RPL14: variants seen among roughly 807,000 people sequenced by gnomAD.
RPL14 encodes ribosomal protein L14.
RPL14 carries 4 observed loss-of-function variants against 25.3 expected under a neutral mutation model. The ratio of observed to expected loss-of-function variants is 0.16; its 90% CI spans 0.08 to 0.36. The LOEUF (loss-of-function observed/expected upper bound fraction) is 0.36, where lower values mean the gene tolerates loss of function less well. RPL14 is among the 10% of genes least tolerant of loss of function. RPL14 has a pLI of 1.00. For missense variants in RPL14, 212 were observed against 261.9 expected (o/e 0.81, Z 1.31); for synonymous variants, 75 against 89.8 (o/e 0.84, Z 0.93).
Position 40,464,688 on chromosome 3 carries a change from T to G in RPL14, c.*2456T>G, listed in dbSNP as rs115506358. The G allele has an allele frequency of 3.2e-3, 1,060 of 335,990 alleles. 7 individuals carry two copies. Among genetic ancestry groups the G allele is most frequent in the African/African-American group, 0.014 (659 of 46,950 alleles). 20.8% of individuals were successfully genotyped at this position (335,990 alleles called of 1,614,324 possible). On this transcript the variant is annotated 3_prime_UTR_variant, in exon 6 of 6. Coordinates refer to ENST00000396203, the MANE Select transcript of RPL14 (RefSeq NM_001034996.3). The stretch of plus-strand genomic sequence containing the variant: ...GGGATCAAGACTGGGAATGCTCGGG[T>G]TGGCAGTATGAAGTTTGGCAGTAAT...
intron 1 of RPL14, 148 bp from the exon 2 acceptor site, chr3:40,457,742 A>G (rs541946276): frequency 1.3e-6 from 1 of 775,618 alleles, no homozygotes; most frequent in Admixed American, 2.4e-5. Flanking sequence ...GATTTCGTCC[A>G]TCCAGGTTGG....
intron 3 of RPL14, among the ~76,000 whole-genome samples, chr3:40,460,617 T>G (rs1397838638): frequency 7.1e-5 from 1 of 14,166 alleles, no homozygotes; most frequent in Admixed American, 6.3e-4. Context: ...TTTTTGAGGG[T>G]TTTTTTTTTC....
rs973172812 is a variant in RPL14 at position 40,466,530 on chromosome 3, A to G, written c.*4298A>G. 6.6e-6 allele frequency: 1 copy of G among 151,620 alleles called. No individual in the cohort carries two copies. The highest frequency in any genetic ancestry group is 2.4e-5 in the African/African-American group (1 of 41,266). 9.4% of individuals were successfully genotyped at this position (151,620 alleles called of 1,614,324 possible). ...TACTAAAAATCAAAAAAAAAAAAAA[A>G]AAAATGGCTGATTTCAGAGTCATAT... On this transcript the variant is annotated 3_prime_UTR_variant, in exon 6 of 6. Coordinates refer to ENST00000396203, the MANE Select transcript of RPL14 (RefSeq NM_001034996.3).
At chr3:40,461,760 C>G in intron 5 of RPL14, 99 bp downstream of exon 5, 1 of 1,354,238 alleles carries the variant, frequency 7.4e-7, no homozygotes, top group Non-Finnish European at 1.0e-6. Context: ...TGGAAGCTTT[C>G]TGTAAAAAAG....
rs1697031985 is a variant in RPL14, at chr3:40,466,667, A to G, written c.*4435A>G. 6.6e-6 allele frequency: 1 copy of G among 152,224 alleles called. No homozygotes were observed. The highest frequency in any genetic ancestry group is 6.5e-5 in the Admixed American group (1 of 15,278). 9.4% of individuals were successfully genotyped at this position (152,224 alleles called of 1,614,324 possible). On this transcript the variant is annotated 3_prime_UTR_variant, in exon 6 of 6. Transcript: ENST00000396203. ...CTGCCTCATATTGTGGCAAGGATCA[A>G]ATGAGTCAAATAAGATGCTTGTGAA...
chr3:40,462,341 T>A lies in RPL14; in HGVS notation c.*109T>A. 1 of 992,386 alleles carries A rather than the reference T, an allele frequency of 1.0e-6. No homozygotes were observed. The highest frequency in any genetic ancestry group is 1.5e-6 in the Non-Finnish European group (1 of 688,334). The allele number at this position is 992,386 out of a possible 1,614,324, so 61.5% of individuals were successfully genotyped here. On this transcript the variant is annotated 3_prime_UTR_variant, in exon 6 of 6. Coordinates refer to ENST00000396203, the MANE Select transcript of RPL14 (RefSeq NM_001034996.3). ...CTGGAGTTAGGAGGCAGATTGATAG[T>A]AGGATTATAATAAACATTAAATAAT...
At chr3:40,460,131 C>G (rs1224325087) in intron 3 of RPL14, among the ~76,000 whole-genome samples, 1 of 152,028 alleles carries the variant, frequency 6.6e-6, no homozygotes, top group Non-Finnish European at 1.5e-5. Flanking sequence ...TCCCTGGACA[C>G]CCTGGATTTT....
intron 3 of RPL14, among the ~76,000 whole-genome samples, chr3:40,460,449 C>T (rs938705297): frequency 2.0e-5 from 3 of 151,554 alleles, no homozygotes; most frequent in African/African-American, 7.3e-5. Context: ...ACCTAGGAAG[C>T]AGAGGTCACA....
chr3:40,459,116 C>T (rs566619780), intron 3 of RPL14: 22 of 214,600 alleles, frequency 1.0e-4, no homozygotes, highest in South Asian at 4.8e-4. Context: ...TTAGCGAGGT[C>T]GAGGCTGCAG....
At chr3:40,458,795 G>C in intron 3 of RPL14, 59 bp downstream of exon 3, 1 of 1,405,946 alleles carries the variant, frequency 7.1e-7, no homozygotes, top group Non-Finnish European at 1.0e-6. Context: ...GCTAGTAAAA[G>C]TTTGTTTTGG....
intron 3 of RPL14, 44 bp from the exon 4 acceptor site, chr3:40,461,363 A>C: frequency 2.0e-6 from 3 of 1,509,030 alleles, no homozygotes; most frequent in Middle Eastern, 1.8e-4. Context: ...ATAATGAGTG[A>C]CTTCAAAGCT....
Position 40,468,371 on chromosome 3 carries a change from G to C in RPL14, c.*6139G>C, listed in dbSNP as rs527988338. On this transcript the variant is annotated 3_prime_UTR_variant, in exon 6 of 6. Coordinates refer to ENST00000396203, the MANE Select transcript of RPL14 (RefSeq NM_001034996.3). ...TCCTGCCTGGCAGTCTTGAACTCCT[G>C]CTATTATCTCTTAAATTTTTGCCAG... is the stretch of plus-strand genomic sequence containing the variant. 19 of 152,254 alleles carry C rather than the reference G, an allele frequency of 1.2e-4. 1 individual carries two copies. The East Asian group carries it at 2.3e-3, about 19-fold the overall frequency. The allele number at this position is 152,254 out of a possible 1,614,324, so 9.4% of individuals were successfully genotyped here. A position where few individuals can be genotyped will look rare whatever the true frequency, so the allele number is the denominator to read the frequency against.
chr3:40,458,755 C>G lies in RPL14; in HGVS notation c.200+19C>G, dbSNP rs555570722. 5 of 1,593,396 alleles carry G rather than the reference C, an allele frequency of 3.1e-6. No homozygotes were observed. The Admixed American group carries it at 5.0e-5, about 16-fold the overall frequency. Reference sequence around the variant, plus strand: ...CGCACAGGTAACTGTCCACTAATCACTCCTCCCTCCCATCCCCAGATTTGT... The same window carrying G: ...CGCACAGGTAACTGTCCACTAATCAGTCCTCCCTCCCATCCCCAGATTTGT... On this transcript the variant is annotated intron_variant, in intron 3 of 5. Coordinates refer to ENST00000396203, the MANE Select transcript of RPL14 (RefSeq NM_001034996.3).
Position 40,461,995 on chromosome 3 carries a change from A to C in RPL14, c.411A>C (p.Lys137Asn), listed in dbSNP as rs919020732. The change falls in exon 6 of 6, where the codon AAA becomes AAC. Residue 137 changes from lysine (K) to asparagine (N), a missense_variant. Lys to Asn is a moderately conservative substitution (Grantham distance 94). Coordinates refer to ENST00000396203, the MANE Select transcript of RPL14 (RefSeq NM_001034996.3). ...AGCTTCAAAAGGCAGCTCTCCTGAA[A>C]GCTTCTCCCAAAAAAGCACCTGGTA... is the stretch of plus-strand genomic sequence containing the variant. The part of the protein sequence containing the change: ...VKKLQKAALL[K>N]ASPKKAPGTK... 6.2e-7 allele frequency: 1 copy of C among 1,600,558 alleles called. No individual in the cohort carries two copies. The highest frequency in any genetic ancestry group is 1.7e-4 in the Middle Eastern group (1 of 6,012).
In RPL14 at chr3:40,464,896, CTG is replaced by C. The variant is rs1697006353; in HGVS notation, c.*2665_*2666del. ...ATGAGTTAGTTTTCATGTAGACTAT[CTG>C]GGTGTATATGCAAAGACTGCAGACA... On this transcript the variant is annotated 3_prime_UTR_variant, in exon 6 of 6. Transcript: ENST00000396203. The C allele has an allele frequency of 5.0e-6, 1 of 201,632 alleles. No individual in the cohort carries two copies. The highest frequency in any genetic ancestry group is 1.0e-5 in the Non-Finnish European group (1 of 96,332). 12.5% of individuals were successfully genotyped at this position (201,632 alleles called of 1,614,324 possible). A position where few individuals can be genotyped will look rare whatever the true frequency, so the allele number is the denominator to read the frequency against.
At chr3:40,458,502 T>C (rs1345094345) in intron 2 of RPL14, 140 bp from the exon 3 acceptor site, 1 of 652,332 alleles carries the variant, frequency 1.5e-6, no homozygotes, top group Non-Finnish European at 2.7e-6. Context: ...GATAGGACAA[T>C]CCTTGTCTTT....
Position 40,458,061 on chromosome 3 carries a change from C to G in RPL14, c.105+70C>G, listed in dbSNP as rs143189172. The G allele has an allele frequency of 1.1e-4, 148 of 1,301,902 alleles. 2 individuals carry two copies. The East Asian group carries it at 3.0e-3, about 26-fold the overall frequency. The allele number at this position is 1,301,902 out of a possible 1,614,324, so 80.6% of individuals were successfully genotyped here. ...CCTGCAGATGGCAATAATGAATTGT[C>G]TCGATGGCTGTGTAAGATGAGGATG... On this transcript the variant is annotated intron_variant, in intron 2 of 5. Transcript: ENST00000396203.
At chr3:40,461,354 TAATG>T in intron 3 of RPL14, 49 bp from the exon 4 acceptor site, 3 of 1,433,770 alleles carry the variant, frequency 2.1e-6, no homozygotes, top group Non-Finnish European at 2.9e-6. Context: ...GTGTCTTTGA[TAATG>T]AGTGACTTCA....
rs1009060292 is a variant in RPL14 at position 40,463,159 on chromosome 3, C to T, written c.*927C>T. The T allele has an allele frequency of 1.3e-5, 2 of 152,066 alleles. No individual in the cohort carries two copies. The highest frequency in any genetic ancestry group is 4.8e-5 in the African/African-American group (2 of 41,338). 9.4% of individuals were successfully genotyped at this position (152,066 alleles called of 1,614,324 possible). ...ACTCCTGACCTCGTGATCCGCCTGT[C>T]TCGGCCTCCCAGAGCGGGGGATTAT... On this transcript the variant is annotated 3_prime_UTR_variant, in exon 6 of 6. Coordinates refer to ENST00000396203, the MANE Select transcript of RPL14 (RefSeq NM_001034996.3).
Sources: allele counts gnomAD v4.1 joint callset (sites outside exome capture counted in the v4.1 genomes callset), GRCh38; gene constraint gnomAD v4.1.1; transcripts MANE v1.5; gene names NCBI Gene and HGNC (gene_info 2026-07-23, HGNC 2026-07-21).